PRKCH: variants seen among roughly 807,000 people sequenced by gnomAD.
PRKCH encodes protein kinase C eta, also known as protein kinase C eta type.
A neutral mutation model predicts 82.5 loss-of-function variants in PRKCH; 28 were observed. That is an observed-to-expected ratio of 0.34 (90% CI 0.25 to 0.47). The LOEUF (loss-of-function observed/expected upper bound fraction) is 0.47, where lower values mean the gene tolerates loss of function less well. Among genes scored for constraint, PRKCH ranks in the 20% least tolerant of loss-of-function variants. The probability of loss-of-function intolerance (pLI) is 1.00; values close to 1 mark genes in which losing one functional copy is unlikely to be tolerated. For synonymous variants in PRKCH, 322 were observed against 327.4 expected, an observed-to-expected ratio of 0.98 and a Z score of 0.18; for missense variants, 705 against 881.8, an observed-to-expected ratio of 0.80 and a Z score of 2.54.
Position 61,257,643 on chromosome 14 carries a change from A to ACG in PRKCH, c.-19+69976_-19+69977insGC, listed in dbSNP as rs1267229410. 1.5e-3 allele frequency among the ~76,000 whole-genome samples: 226 copies of ACG among 150,942 alleles called. 3 individuals carry two copies. The highest frequency in any genetic ancestry group is 5.4e-3 in the African/African-American group (220 of 41,098). ...CACACACACACACCCCCACACACACACACACACGCATACACACACATTCAT... is the reference window on the plus strand; with the variant it reads ...CACACACACACACCCCCACACACACACGCACACACGCATACACACACATTCAT... On this transcript the variant is annotated intron_variant, in intron 1 of 3. Coordinates refer to the PRKCH transcript ENST00000555185.
At chr14:61,348,494 G>A (rs942687209) in intron 1 of PRKCH, among the ~76,000 whole-genome samples, 14 of 152,170 alleles carry the variant, frequency 9.2e-5, no homozygotes, top group African/African-American at 3.1e-4. Context: ...CCACTTTTCT[G>A]TTTAGACTGT....
At chr14:61,521,577 T>G (rs1461661890) in intron 10 of PRKCH, among the ~76,000 whole-genome samples, 1 of 151,896 alleles carries the variant, frequency 6.6e-6, no homozygotes, top group Non-Finnish European at 1.5e-5. Context: ...TTATTAATTT[T>G]TTTTTTTTAA....
chr14:61,356,671 T>C (rs1209791164), intron 1 of PRKCH, among the ~76,000 whole-genome samples: 1 of 152,128 alleles, frequency 6.6e-6, no homozygotes, highest in Non-Finnish European at 1.5e-5. Flanking sequence ...AGTTCTTTCT[T>C]ATAGGAAATT....
chr14:61,517,129 G>A (rs2042839907), intron 10 of PRKCH, among the ~76,000 whole-genome samples: 1 of 152,166 alleles, frequency 6.6e-6, no homozygotes, highest in Non-Finnish European at 1.5e-5. Context: ...CATTACTAAT[G>A]CTGGCAACAG....
At chr14:61,530,252 ACT>A (rs1214024096) in intron 11 of PRKCH, among the ~76,000 whole-genome samples, 153 bp from the exon 12 acceptor site, 5 of 152,190 alleles carry the variant, frequency 3.3e-5, no homozygotes, top group Non-Finnish European at 5.9e-5. Flanking sequence ...AAAACAGACC[ACT>A]CTGTAGAAAT....
chr14:61,249,305 G>A (rs2044918291), intron 1 of PRKCH, among the ~76,000 whole-genome samples: 1 of 152,138 alleles, frequency 6.6e-6, no homozygotes, highest in South Asian at 2.1e-4. Flanking sequence ...TTATGGCTGG[G>A]ACACAGCGCC....
chr14:61,363,735 A>G (rs2046260373), intron 1 of PRKCH, among the ~76,000 whole-genome samples: 1 of 151,662 alleles, frequency 6.6e-6, no homozygotes, highest in Admixed American at 6.6e-5. Flanking sequence ...CCCAAAGAGA[A>G]CTCTGAGGAT....
At chr14:61,313,349 T>C (rs2045539021) in intron 1 of PRKCH, among the ~76,000 whole-genome samples, 1 of 152,240 alleles carries the variant, frequency 6.6e-6, no homozygotes, top group African/African-American at 2.4e-5. Flanking sequence ...ATATTAATAA[T>C]AGCTTTAGAG....
intron 1 of PRKCH, among the ~76,000 whole-genome samples, chr14:61,385,118 A>T (rs1350973425): frequency 1.3e-5 from 2 of 151,348 alleles, no homozygotes. Flanking sequence ...GGAGGGGGTT[A>T]GTGTGTTTAT....
intron 10 of PRKCH, among the ~76,000 whole-genome samples, chr14:61,496,118 G>T (rs903113332): frequency 1.3e-4 from 20 of 152,176 alleles, no homozygotes; most frequent in Admixed American, 3.9e-4. Context: ...AGATGAATTC[G>T]GGCGTCATGG....
chr14:61,270,161 T>A (rs1011035138), intron 1 of PRKCH, among the ~76,000 whole-genome samples: 1 of 152,154 alleles, frequency 6.6e-6, no homozygotes. Flanking sequence ...GGCCTCCCGC[T>A]TTCTGCTCTG....
chr14:61,321,452 G>A (rs911995574), upstream of PRKCH, among the ~76,000 whole-genome samples: 2 of 152,232 alleles, frequency 1.3e-5, no homozygotes, highest in African/African-American at 4.8e-5. This position sits in a 1 kb window ranked among gnomAD's most constrained non-coding sequence, Gnocchi z 4.1. Context: ...AGGGCGCGCA[G>A]GGCGGCGCAA....
chr14:61,547,834 A>T lies in PRKCH; in HGVS notation c.1853A>T (p.Asp618Val), dbSNP rs1289873232. The change falls in exon 13 of 14, where the codon GAC becomes GTC. Residue 618 changes from aspartate (D) to valine (V), a missense_variant. This residue lies in a region of PRKCH where 91 missense variants were observed against 81.2 expected (regional missense o/e 1.12). Coordinates refer to ENST00000332981, the MANE Select transcript of PRKCH (RefSeq NM_006255.5). Reference protein sequence around the residue: ...ILRHPFFKEIDWAQLNHRQIE... With the variant: ...ILRHPFFKEIVWAQLNHRQIE... ...AGACATCCTTTTTTTAAGGAAATCG[A>T]CTGGGCCCAGCTGAACCATCGCCAA... 1.2e-6 allele frequency: 2 copies of T among 1,614,084 alleles called. No homozygotes were observed. Among genetic ancestry groups the T allele is most frequent in the Admixed American group, 3.3e-5 (2 of 60,010 alleles).
chr14:61,281,217 G>C, intron 1 of PRKCH: 3 of 1,035,718 alleles, frequency 2.9e-6, no homozygotes, highest in Non-Finnish European at 3.8e-6. Context: ...CTCCCTCTCC[G>C]CGCCGCGCAA....
intron 1 of PRKCH, among the ~76,000 whole-genome samples, chr14:61,326,320 A>G (rs77059654): frequency 0.029 from 4,433 of 152,340 alleles, 113 homozygotes; most frequent in African/African-American, 0.069. Flanking sequence ...AATTATGCTG[A>G]GTGAAAGAAA....
chr14:61,528,973 C>CGTGT (rs57920054), intron 10 of PRKCH, 102 bp from the exon 11 acceptor site: 19,087 of 563,524 alleles, frequency 0.034, 108 homozygotes, highest in South Asian at 0.053. Context: ...TGTGGCCGCA[C>CGTGT]GTGTGTGTGT....
intron 1 of PRKCH, among the ~76,000 whole-genome samples, chr14:61,213,302 G>A (rs1167331550): frequency 6.6e-6 from 1 of 152,162 alleles, no homozygotes; most frequent in Non-Finnish European, 1.5e-5. Context: ...TCCTTTTGGT[G>A]GATTAACCCA....
At chr14:61,222,365 G>A (rs949106937) in intron 1 of PRKCH, among the ~76,000 whole-genome samples, 1 of 152,156 alleles carries the variant, frequency 6.6e-6, no homozygotes, top group Non-Finnish European at 1.5e-5. Flanking sequence ...GTGTTGTGTA[G>A]ATCAGAGAAG....
chr14:61,337,140 A>T (rs1209227750), intron 1 of PRKCH, among the ~76,000 whole-genome samples: 5 of 100,352 alleles, frequency 5.0e-5, no homozygotes, highest in East Asian at 2.8e-4. Flanking sequence ...GACACCAACA[A>T]TTTTTTTTTT....
Sources: allele counts gnomAD v4.1 joint callset (sites outside exome capture counted in the v4.1 genomes callset), GRCh38; gene constraint gnomAD v4.1.1; regional missense constraint gnomAD v4.1.1; non-coding constraint Gnocchi (gnomAD v3.1); transcripts MANE v1.5; gene names NCBI Gene and HGNC (gene_info 2026-07-23, HGNC 2026-07-21).